Variants in SLC1A2 observed in about 807,000 individuals in gnomAD.
SLC1A2 encodes the protein excitatory amino acid transporter 2.
Under a neutral mutation model 48.8 loss-of-function variants are expected in SLC1A2, and 15 were observed. The ratio of observed to expected loss-of-function variants is 0.31; its 90% CI spans 0.21 to 0.47. SLC1A2 has a LOEUF of 0.47. Among genes scored for constraint, SLC1A2 ranks in the 20% least tolerant of loss-of-function variants. The pLI is 0.99. For synonymous variants in SLC1A2, 279 were observed against 272.6 expected, an observed-to-expected ratio of 1.02 and a Z score of -0.23; for missense variants, 502 against 730.5, an observed-to-expected ratio of 0.69 and a Z score of 3.61.
intron 1 of SLC1A2, chr11:35,322,883 A>T (rs200175851): frequency 8.7e-5 from 54 of 618,908 alleles, no homozygotes; most frequent in Middle Eastern, 3.8e-4. Flanking sequence ...AAAGGGCCTG[A>T]AACTCTAAGA....
chr11:35,384,705 G>C (rs573151175), intron 1 of SLC1A2, among the ~76,000 whole-genome samples: 1 of 152,332 alleles, frequency 6.6e-6, no homozygotes, highest in East Asian at 1.9e-4. Flanking sequence ...TGGCTTTAGG[G>C]GAAAGGAGTA....
At chr11:35,412,054 A>AT (rs397814017) in intron 1 of SLC1A2, among the ~76,000 whole-genome samples, 16 of 150,538 alleles carry the variant, frequency 1.1e-4, no homozygotes, top group African/African-American at 3.9e-4. Flanking sequence ...AAAAAAAAAA[A>AT]CAAAACAAAA....
chr11:35,317,553 G>C (rs1851924488), intron 1 of SLC1A2, 37 bp from the exon 2 acceptor site: 1 of 1,601,528 alleles, frequency 6.2e-7, no homozygotes, highest in Non-Finnish European at 8.5e-7. Flanking sequence ...AGAGAGACTG[G>C]CACCTCCCCT....
intron 1 of SLC1A2, among the ~76,000 whole-genome samples, chr11:35,409,030 A>G (rs556751382): frequency 3.9e-5 from 6 of 152,246 alleles, no homozygotes; most frequent in African/African-American, 7.2e-5. Context: ...CACAAACACA[A>G]TGATAATCAA....
At chr11:35,296,694 C>A (rs1473159778) in intron 6 of SLC1A2, among the ~76,000 whole-genome samples, 1 of 152,092 alleles carries the variant, frequency 6.6e-6, no homozygotes, top group Non-Finnish European at 1.5e-5. Flanking sequence ...CTTTCCCTGC[C>A]ACTTCTTCCT....
chr11:35,316,584 G>A (rs1229967155), intron 2 of SLC1A2: 1 of 152,366 alleles, frequency 6.6e-6, no homozygotes, highest in Non-Finnish European at 1.5e-5. Flanking sequence ...ATGGAATGGA[G>A]GGGTTCAGGT....
intron 3 of SLC1A2, among the ~76,000 whole-genome samples, chr11:35,314,395 A>T (rs1047191336): frequency 1.3e-5 from 2 of 152,010 alleles, no homozygotes; most frequent in African/African-American, 4.8e-5. Context: ...AACAAAATAT[A>T]ATTTAGAAAG....
At position 35,300,874 on chromosome 11, in the gene SLC1A2, C is replaced by G. The variant is rs545227207; in HGVS notation, c.857+645G>C. ...TCTATAAAAAATTTTCAAAAATTAG[C>G]TGGGCATGGTAGTGTGCACCTGTAG... On this transcript the variant is annotated intron_variant, in intron 6 of 10. Coordinates refer to ENST00000278379, the MANE Select transcript of SLC1A2 (RefSeq NM_004171.4). Among the ~76,000 whole-genome samples the G allele has an allele frequency of 1.1e-4, 17 of 152,090 alleles. No individual in the cohort carries two copies. In the South Asian group the frequency reaches 2.1e-3, roughly 19 times the overall value.
intron 10 of SLC1A2, chr11:35,261,592 C>T (rs1654322612): frequency 5.0e-6 from 2 of 398,026 alleles, no homozygotes; most frequent in Non-Finnish European, 4.4e-6. Flanking sequence ...ATTATGCTTC[C>T]CTGGCTCAAA....
chr11:35,402,164 C>G (rs771242188), intron 1 of SLC1A2, among the ~76,000 whole-genome samples: 1 of 152,054 alleles, frequency 6.6e-6, no homozygotes, highest in Non-Finnish European at 1.5e-5. Context: ...CTTTGGTGTG[C>G]GAATGAGATG....
At chr11:35,280,157 C>CTTTCTTT (rs1255455789) in intron 9 of SLC1A2, among the ~76,000 whole-genome samples, 2 of 151,366 alleles carry the variant, frequency 1.3e-5, no homozygotes, top group African/African-American at 2.5e-5. Context: ...CCACTAATCT[C>CTTTCTTT]TTTCTTTTTT....
At chr11:35,337,591 T>C (rs1466557109) in intron 1 of SLC1A2, among the ~76,000 whole-genome samples, 4 of 152,162 alleles carry the variant, frequency 2.6e-5, no homozygotes, top group Non-Finnish European at 5.9e-5. Flanking sequence ...GTACTAGATG[T>C]ACCATGGTAT....
rs180806234 is a variant in SLC1A2 at position 35,349,241 on chromosome 11, A to G, written c.18-31725T>C. On this transcript the variant is annotated intron_variant, in intron 1 of 10. Transcript: ENST00000278379. ...CGATACAGATGAGATCAGGGTAAAA[A>G]CCAGCGCCAAATCGAAAGGGAGAAT... is the stretch of plus-strand genomic sequence containing the variant. Among the ~76,000 whole-genome samples, 3 of 152,304 alleles carry G rather than the reference A, an allele frequency of 2.0e-5. No individual in the cohort carries two copies. The East Asian group carries it at 5.8e-4, about 29-fold the overall frequency.
chr11:35,269,236 T>C (rs1244876447), intron 9 of SLC1A2, among the ~76,000 whole-genome samples: 1 of 152,206 alleles, frequency 6.6e-6, no homozygotes, highest in Non-Finnish European at 1.5e-5. Flanking sequence ...GCCTTGATCT[T>C]GGACTTTCAA....
intron 1 of SLC1A2, among the ~76,000 whole-genome samples, chr11:35,345,167 C>T (rs1331009647): frequency 2.0e-5 from 3 of 152,228 alleles, no homozygotes; most frequent in African/African-American, 7.2e-5. Context: ...GCCAGTATCA[C>T]ATATGCCGCC....
chr11:35,360,978 T>A (rs866928607), intron 1 of SLC1A2, among the ~76,000 whole-genome samples: 16 of 152,032 alleles, frequency 1.1e-4, no homozygotes, highest in Admixed American at 5.2e-4. Context: ...CGGGCTCAAG[T>A]GATTTTCCTG....
intron 1 of SLC1A2, among the ~76,000 whole-genome samples, chr11:35,360,820 G>T (rs1853654010): frequency 6.6e-6 from 1 of 152,014 alleles, no homozygotes; most frequent in African/African-American, 2.4e-5. Context: ...TCTCAGATGT[G>T]CCTCTCAGAA....
chr11:35,374,087 A>G (rs1854143885), intron 1 of SLC1A2, among the ~76,000 whole-genome samples: 1 of 152,230 alleles, frequency 6.6e-6, no homozygotes, highest in South Asian at 2.1e-4. Context: ...TGTGATGAAG[A>G]TTAAATAAAA....
At chr11:35,303,370 C>T (rs2134811515) in intron 5 of SLC1A2, among the ~76,000 whole-genome samples, 1 of 152,280 alleles carries the variant, frequency 6.6e-6, no homozygotes, top group South Asian at 2.1e-4. Context: ...TTTTTGCTCT[C>T]AGCTAGAAAG....
Sources: allele counts gnomAD v4.1 joint callset (sites outside exome capture counted in the v4.1 genomes callset), GRCh38; gene constraint gnomAD v4.1.1; transcripts MANE v1.5; gene names NCBI Gene and HGNC (gene_info 2026-07-23, HGNC 2026-07-21).